SEMA3G: variants seen among roughly 807,000 people sequenced by gnomAD.
The protein encoded by SEMA3G is semaphorin 3G, also known as semaphorin-3G.
SEMA3G carries 70 observed loss-of-function variants against 86.2 expected under a neutral mutation model. That is an observed-to-expected ratio of 0.81 (90% CI 0.67 to 0.99). The LOEUF (loss-of-function observed/expected upper bound fraction) is 0.99, where lower values mean the gene tolerates loss of function less well. Ranked by LOEUF, SEMA3G falls within the 50% of genes least tolerant of loss-of-function variation. SEMA3G has a pLI of 0.00. For synonymous variants in SEMA3G, 416 were observed against 441.4 expected (o/e 0.94, Z 0.72); for missense variants, 1,002 against 1,072.4 (o/e 0.93, Z 0.92).
intron 13 of SEMA3G, 85 bp from the exon 14 acceptor site, chr3:52,438,284 A>C (rs1578256123): frequency 9.1e-6 from 13 of 1,432,050 alleles, no homozygotes; most frequent in Admixed American, 2.0e-5. Flanking sequence ...GCTTCCTGAG[A>C]CCCCTGCCAC....
chr3:52,435,738 T>C lies in SEMA3G; in HGVS notation c.2214A>G (p.Ser738=). The stretch of plus-strand genomic sequence containing the variant: ...CCCGGCTCCGGCTCCGGAAGCAGCC[T>C]GAGCATTCCGTGGTGCCCCTGCACC... ...RVWCRGTTEC[S]GCFRSRSRGK... is the part of the protein sequence containing the mutation. Residue 738 remains serine, a synonymous_variant, in exon 16 of 16, where the codon TCA becomes TCG. Transcript: ENST00000231721. 5.0e-6 allele frequency: 8 copies of C among 1,614,078 alleles called. No homozygotes were observed. The highest frequency in any genetic ancestry group is 6.8e-6 in the Non-Finnish European group (8 of 1,180,002).
Position 52,442,999 on chromosome 3 carries a change from AC to A in SEMA3G, c.116-93del. On this transcript the variant is annotated intron_variant, in intron 1 of 15. Transcript: ENST00000231721. This position sits in a 1 kb window ranked among gnomAD's most constrained non-coding sequence, Gnocchi z 6.1. ...AGGTGGAGGCCCCGGCTGAGCATCC[AC>A]CCCTGACACACTCACATCTGGAAAA... 1.6e-5 allele frequency: 24 copies of A among 1,546,262 alleles called. No homozygotes were observed. The highest frequency in any genetic ancestry group is 2.1e-5 in the Non-Finnish European group (24 of 1,146,760).
At chr3:52,437,000 G>C (rs531652479) in intron 15 of SEMA3G, among the ~76,000 whole-genome samples, 2 of 152,342 alleles carry the variant, frequency 1.3e-5, no homozygotes, top group East Asian at 1.9e-4. Context: ...CTTTCCGGAT[G>C]GGGGAGGAGA....
rs1159366779 is a variant in SEMA3G at position 52,434,827 on chromosome 3, G to A, written c.*776C>T. The stretch of plus-strand genomic sequence containing the variant: ...ACATGGAGAGCCTGACAATGGGGAG[G>A]GGGTCCTCTCAGGAGGGGCAGGCAT... On this transcript the variant is annotated 3_prime_UTR_variant, in exon 16 of 16. Transcript: ENST00000231721. The surrounding 1 kb of genome is among the most constrained non-coding windows in gnomAD (Gnocchi z 5.2). 1.3e-5 allele frequency: 2 copies of A among 152,204 alleles called. No individual in the cohort carries two copies. Among genetic ancestry groups the A allele is most frequent in the Non-Finnish European group, 2.9e-5 (2 of 68,070 alleles). The allele number at this position is 152,204 out of a possible 1,614,324, so 9.4% of individuals were successfully genotyped here.
In SEMA3G at chr3:52,442,521, T is replaced by G. The variant is rs1337826838; in HGVS notation, c.339+38A>C. Reference sequence around the variant, plus strand: ...GATTGTCCTGGGGGTCAGGGCAGGGTGTCAGGTCGGGGGACCATCCCTCCC... The same window carrying G: ...GATTGTCCTGGGGGTCAGGGCAGGGGGTCAGGTCGGGGGACCATCCCTCCC... On this transcript the variant is annotated intron_variant, in intron 3 of 15. Coordinates refer to ENST00000231721, the MANE Select transcript of SEMA3G (RefSeq NM_020163.3). The surrounding 1 kb of genome is among the most constrained non-coding windows in gnomAD (Gnocchi z 6.1). 14 of 1,607,764 alleles carry G rather than the reference T, an allele frequency of 8.7e-6. No homozygotes were observed. The East Asian group carries it at 2.9e-4, about 33-fold the overall frequency.
At chr3:52,436,821 T>A (rs1008710338) in intron 15 of SEMA3G, among the ~76,000 whole-genome samples, 2 of 152,172 alleles carry the variant, frequency 1.3e-5, no homozygotes, top group African/African-American at 4.8e-5. Flanking sequence ...CCCTGGGGAA[T>A]CTTCTCAGTG....
In SEMA3G at chr3:52,433,653, C is replaced by T. The variant is rs1162769174; in HGVS notation, c.*1950G>A. ...CCCTTCGTTTTCTAGAGTAACTTCCCAGAGGACCCTGCCTGGAGCCTGCCA... is the reference window on the plus strand; with the variant it reads ...CCCTTCGTTTTCTAGAGTAACTTCCTAGAGGACCCTGCCTGGAGCCTGCCA... On this transcript the variant is annotated 3_prime_UTR_variant, in exon 16 of 16. Transcript: ENST00000231721. 1 of 152,550 alleles carries T rather than the reference C, an allele frequency of 6.6e-6. No homozygotes were observed. The highest frequency in any genetic ancestry group is 2.4e-5 in the African/African-American group (1 of 41,404). The allele number at this position is 152,550 out of a possible 1,614,324, so 9.4% of individuals were successfully genotyped here.
rs372229466 is a variant in SEMA3G at position 52,439,286 on chromosome 3, C to T, written c.1468-325G>A. Among the ~76,000 whole-genome samples the T allele has an allele frequency of 1.8e-4, 28 of 152,262 alleles. 1 individual carries two copies. The highest frequency in any genetic ancestry group is 6.7e-4 in the African/African-American group (28 of 41,550). On this transcript the variant is annotated intron_variant, in intron 12 of 15. Transcript: ENST00000231721. ...AGGAGGCACAACAGGCCCCCAAACACAGATGACCCCCTTCCTGAGTCTCTA... is the reference window on the plus strand; with the variant it reads ...AGGAGGCACAACAGGCCCCCAAACATAGATGACCCCCTTCCTGAGTCTCTA...
intron 1 of SEMA3G, among the ~76,000 whole-genome samples, chr3:52,444,371 C>T (rs988791330): frequency 1.3e-5 from 2 of 152,136 alleles, no homozygotes; most frequent in African/African-American, 4.8e-5. Flanking sequence ...CCTCCCACTC[C>T]CCGAGAGCTG....
In SEMA3G at chr3:52,442,501, T is replaced by C; in HGVS notation, c.339+58A>G. On this transcript the variant is annotated intron_variant, in intron 3 of 15. Coordinates refer to ENST00000231721, the MANE Select transcript of SEMA3G (RefSeq NM_020163.3). The surrounding 1 kb of genome is among the most constrained non-coding windows in gnomAD (Gnocchi z 6.1). ...GTACCTGGGGCGTGGTCACGGATTG[T>C]CCTGGGGGTCAGGGCAGGGTGTCAG... 4.4e-6 allele frequency: 7 copies of C among 1,589,074 alleles called. No individual in the cohort carries two copies. In the South Asian group the frequency reaches 6.6e-5, roughly 15 times the overall value.
Position 52,435,642 on chromosome 3 carries a change from G to T in SEMA3G, c.2310C>A (p.Ala770=). 6.2e-7 allele frequency: 1 copy of T among 1,613,788 alleles called. No individual in the cohort carries two copies. The highest frequency in any genetic ancestry group is 1.1e-5 in the South Asian group (1 of 91,060). ...LGKKMKSRVH[A]EHNRTPREVE... is the part of the protein sequence containing the mutation. ...CCTCCCGGGGCGTCCGATTGTGCTC[G>T]GCATGCACCCGGCTCTTCATCTTCT... Residue 770 remains alanine, a synonymous_variant, in exon 16 of 16, where the codon GCC becomes GCA. Coordinates refer to ENST00000231721, the MANE Select transcript of SEMA3G (RefSeq NM_020163.3).
At chr3:52,440,558 CA>C (rs747369151) in intron 9 of SEMA3G, 37 bp from the exon 10 acceptor site, 1 of 1,587,240 alleles carries the variant, frequency 6.3e-7, no homozygotes, top group East Asian at 2.3e-5. Context: ...CCAGAGTGGC[CA>C]TCAAGGACAA....
Position 52,441,986 on chromosome 3 carries a change from C to T in SEMA3G, c.460-77G>A, listed in dbSNP as rs1578258952. ...AGCAGCCCACACCCAAGCAGGAGCC[C>T]TCGCGTGCGGCCAGAGAGCGGGGGT... is the stretch of plus-strand genomic sequence containing the variant. On this transcript the variant is annotated intron_variant, in intron 4 of 15. Transcript: ENST00000231721. 6 of 1,358,066 alleles carry T rather than the reference C, an allele frequency of 4.4e-6. No homozygotes were observed. In the East Asian group the frequency reaches 7.5e-5, roughly 17 times the overall value. 84.1% of individuals were successfully genotyped at this position (1,358,066 alleles called of 1,614,324 possible).
In SEMA3G at chr3:52,434,779, AACCC is replaced by A. The variant is rs1386497462; in HGVS notation, c.*820_*823del. ...GACACAAGGGACAACAATGCCCCAG[AACCC>A]ACCCCTCCCCGCTCGTGGACATGGA... On this transcript the variant is annotated 3_prime_UTR_variant, in exon 16 of 16. Transcript: ENST00000231721. The surrounding 1 kb of genome is among the most constrained non-coding windows in gnomAD (Gnocchi z 5.2). 1.3e-5 allele frequency: 2 copies of A among 152,202 alleles called. No individual in the cohort carries two copies. The highest frequency in any genetic ancestry group is 2.4e-5 in the African/African-American group (1 of 41,412). 9.4% of individuals were successfully genotyped at this position (152,202 alleles called of 1,614,324 possible).
In SEMA3G at chr3:52,442,319, AG is replaced by A. The variant is rs1166678978; in HGVS notation, c.340-16del. ...GCGCACTCTGTCTGCGGGGAGAAGGAGGGGGTGGTTGAGGGGTGAGAGGGGG... is the reference window on the plus strand; with the variant it reads ...GCGCACTCTGTCTGCGGGGAGAAGGAGGGGTGGTTGAGGGGTGAGAGGGGG... On this transcript the variant is annotated splice_polypyrimidine_tract_variant and intron_variant, in intron 3 of 15. Transcript: ENST00000231721. The surrounding 1 kb of genome is among the most constrained non-coding windows in gnomAD (Gnocchi z 6.1). 6.6e-7 allele frequency: 1 copy of A among 1,506,034 alleles called. No homozygotes were observed. The highest frequency in any genetic ancestry group is 8.9e-7 in the Non-Finnish European group (1 of 1,120,414). The allele number at this position is 1,506,034 out of a possible 1,614,324, so 93.3% of individuals were successfully genotyped here.
intron 1 of SEMA3G, among the ~76,000 whole-genome samples, chr3:52,443,941 G>A (rs1706209451): frequency 6.6e-6 from 1 of 152,190 alleles, no homozygotes; most frequent in South Asian, 2.1e-4. Context: ...GCCCATCCGT[G>A]GAGGCCTGAG....
At position 52,434,299 on chromosome 3, in the gene SEMA3G, C is replaced by T. The variant is rs1706003387; in HGVS notation, c.*1304G>A. The T allele has an allele frequency of 6.6e-6, 1 of 152,162 alleles. No individual in the cohort carries two copies. The highest frequency in any genetic ancestry group is 2.1e-4 in the South Asian group (1 of 4,826). 9.4% of individuals were successfully genotyped at this position (152,162 alleles called of 1,614,324 possible). On this transcript the variant is annotated 3_prime_UTR_variant, in exon 16 of 16. Transcript: ENST00000231721. The surrounding 1 kb of genome is among the most constrained non-coding windows in gnomAD (Gnocchi z 5.2). ...ACTGGTGATGGCAAAAACACCTCCC[C>T]TACATGCCCAGGCAGAACGCGTCCT...
At chr3:52,444,719 ACAAACAC>A (rs1706229816) in intron 1 of SEMA3G, among the ~76,000 whole-genome samples, 187 bp downstream of exon 1, 1 of 9,980 alleles carries the variant, frequency 1.0e-4, no homozygotes, top group Non-Finnish European at 1.7e-4. Context: ...GCACACGCAC[ACAAACAC>A]GGCACACGCA....
At chr3:52,440,716 G>C in intron 9 of SEMA3G, 38 bp downstream of exon 9, 7 of 1,582,002 alleles carry the variant, frequency 4.4e-6, no homozygotes, top group Non-Finnish European at 6.0e-6. Context: ...GACAAAGACA[G>C]GGGCCCATCG....
Sources: allele counts gnomAD v4.1 joint callset (sites outside exome capture counted in the v4.1 genomes callset), GRCh38; gene constraint gnomAD v4.1.1; non-coding constraint Gnocchi (gnomAD v3.1); transcripts MANE v1.5; gene names NCBI Gene and HGNC (gene_info 2026-07-23, HGNC 2026-07-21).